The following ZBTB47 variants were observed in gnomAD, a reference collection of about 807,000 sequenced individuals.
ZBTB47 encodes the protein zinc finger and BTB domain containing 47.
In ZBTB47, 24 loss-of-function variants were observed where a neutral mutation model predicts 56.6. The observed-to-expected ratio is 0.42, with a 90% CI of 0.31 to 0.60. The LOEUF (loss-of-function observed/expected upper bound fraction) is 0.60, where lower values mean the gene tolerates loss of function less well. ZBTB47 is among the 20% of genes least tolerant of loss of function. The pLI is 0.14. For missense variants in ZBTB47, 829 were observed against 1,032.6 expected (o/e 0.80, Z 2.70); for synonymous variants, 414 against 418.9 (o/e 0.99, Z 0.14).
chr3:42,661,113 C>A (rs1335364077), intron 2 of ZBTB47, among the ~76,000 whole-genome samples: 1 of 152,218 alleles, frequency 6.6e-6, no homozygotes, highest in African/African-American at 2.4e-5. Flanking sequence ...GACCTGTTAT[C>A]TCTGCGTGTA....
chr3:42,665,645 G>A lies in ZBTB47; in HGVS notation c.*1047G>A, dbSNP rs1027351510. The stretch of plus-strand genomic sequence containing the variant: ...GCTCTAGGCCTTATCCTCCCTCTAG[G>A]TCCTGCCACAACCTGTCCCTGGCTG... On this transcript the variant is annotated 3_prime_UTR_variant, in exon 6 of 6. Transcript: ENST00000232974. 1.3e-5 allele frequency: 2 copies of A among 152,864 alleles called. No homozygotes were observed. The highest frequency in any genetic ancestry group is 4.8e-5 in the African/African-American group (2 of 41,420). The allele number at this position is 152,864 out of a possible 1,614,324, so 9.5% of individuals were successfully genotyped here. A position where few individuals can be genotyped will look rare whatever the true frequency, so the allele number is the denominator to read the frequency against.
At chr3:42,661,721 C>T in intron 3 of ZBTB47, 89 bp downstream of exon 3, 9 of 1,525,996 alleles carry the variant, frequency 5.9e-6, no homozygotes, top group South Asian at 2.5e-5. Context: ...CATCCAAGGG[C>T]AATGTGAAGG....
In ZBTB47 at chr3:42,664,487, C is replaced by A; in HGVS notation, c.2133C>A (p.Pro711=). The change falls in exon 6 of 6, where the codon CCC becomes CCA. Residue 711 remains proline, a synonymous_variant. Transcript: ENST00000232974. ...CCCAGCCCCAGGCGCACGCACTGCC[C>A]CTGCTCCCGGGGCTGCCCCAGACCC... ...PPTQPQAHAL[P]LLPGLPQTLP... 6.6e-7 allele frequency: 1 copy of A among 1,503,964 alleles called. No individual in the cohort carries two copies. The highest frequency in any genetic ancestry group is 8.8e-7 in the Non-Finnish European group (1 of 1,130,460). 93.2% of individuals were successfully genotyped at this position (1,503,964 alleles called of 1,614,324 possible).
Position 42,659,201 on chromosome 3 carries a change from CGACGAGGAGGAGGAGGAG to C in ZBTB47, c.849_866del (p.Asp283_Glu288del). 6.6e-6 allele frequency: 10 copies of C among 1,521,306 alleles called. No homozygotes were observed. The highest frequency in any genetic ancestry group is 8.8e-6 in the Non-Finnish European group (10 of 1,139,600). The allele number at this position is 1,521,306 out of a possible 1,614,324, so 94.2% of individuals were successfully genotyped here. On this transcript the variant is annotated inframe_deletion, in exon 2 of 6. Coordinates refer to ENST00000232974, the MANE Select transcript of ZBTB47 (RefSeq NM_145166.4). Reference sequence around the variant, plus strand: ...GACACTCGGACGAGGAGGAGGAGGACGACGAGGAGGAGGAGGAGGAAGAAGAGGAAGAGGAAGGTGGTG... The same window carrying C: ...GACACTCGGACGAGGAGGAGGAGGACGAAGAAGAGGAAGAGGAAGGTGGTG...
intron 2 of ZBTB47, 30 bp from the exon 3 acceptor site, chr3:42,661,455 C>T (rs764050603): frequency 1.9e-6 from 3 of 1,609,210 alleles, no homozygotes; most frequent in South Asian, 2.2e-5. Context: ...GGACTCAGGA[C>T]CCAGGGCCTC....
At position 42,665,026 on chromosome 3, in the gene ZBTB47, C is replaced by T. The variant is rs566903943; in HGVS notation, c.*428C>T. ...TGGAGCCTGGGTCAGCCTCAGCAGC[C>T]TATCCCCATGTCCTCTATGCCCCTA... On this transcript the variant is annotated 3_prime_UTR_variant, in exon 6 of 6. Coordinates refer to ENST00000232974, the MANE Select transcript of ZBTB47 (RefSeq NM_145166.4). 2.0e-4 allele frequency: 33 copies of T among 161,314 alleles called. No homozygotes were observed. Among genetic ancestry groups the T allele is most frequent in the Admixed American group, 1.7e-3 (27 of 15,522 alleles). The allele number at this position is 161,314 out of a possible 1,614,324, so 10.0% of individuals were successfully genotyped here.
chr3:42,663,224 G>A lies in ZBTB47; in HGVS notation c.1737+97G>A, dbSNP rs1223559044. ...GCTGAAAAACAAAGGGCTAGGGGGT[G>A]GAATGTAGTGTCCAGAAAGAGAGAG... On this transcript the variant is annotated intron_variant, in intron 4 of 5. Coordinates refer to ENST00000232974, the MANE Select transcript of ZBTB47 (RefSeq NM_145166.4). This position sits in a 1 kb window ranked among gnomAD's most constrained non-coding sequence, Gnocchi z 5.1. 1 of 889,622 alleles carries A rather than the reference G, an allele frequency of 1.1e-6. No homozygotes were observed. The highest frequency in any genetic ancestry group is 1.8e-6 in the Non-Finnish European group (1 of 543,272). The allele number at this position is 889,622 out of a possible 1,614,324, so 55.1% of individuals were successfully genotyped here.
Position 42,667,111 on chromosome 3 carries a change from C to T in ZBTB47, c.*2513C>T, listed in dbSNP as rs1015340015. Among the ~76,000 whole-genome samples the T allele has an allele frequency of 2.0e-5, 3 of 152,230 alleles. No individual in the cohort carries two copies. In the South Asian group the frequency reaches 6.2e-4, roughly 31 times the overall value. ...TTTAAAACAAAACAACACAAAAAAACAATGTGCCCCCAGATGTCAGAATGA... is the reference window on the plus strand; with the variant it reads ...TTTAAAACAAAACAACACAAAAAAATAATGTGCCCCCAGATGTCAGAATGA... On this transcript the variant is annotated 3_prime_UTR_variant, in exon 6 of 6. Coordinates refer to ENST00000232974, the MANE Select transcript of ZBTB47 (RefSeq NM_145166.4).
At chr3:42,655,324 G>C (rs990890200) in intron 1 of ZBTB47, among the ~76,000 whole-genome samples, 1 of 152,178 alleles carries the variant, frequency 6.6e-6, no homozygotes, top group Non-Finnish European at 1.5e-5. Flanking sequence ...GACATGGGAG[G>C]GGGGCGCAGA....
chr3:42,659,664 C>T lies in ZBTB47; in HGVS notation c.1309C>T (p.Pro437Ser), dbSNP rs1710689557. The T allele has an allele frequency of 1.2e-6, 2 of 1,612,514 alleles. No homozygotes were observed. The highest frequency in any genetic ancestry group is 1.3e-5 in the African/African-American group (1 of 74,918). ...GAAGCTGGAGGAGAAGCAGCACCAT[C>T]CATGCCAGAAGTGCCCACGAGTTTT... ...KVKLEEKQHH[P>S]CQKCPRVFNN... The change falls in exon 2 of 6, where the codon CCA becomes TCA. Residue 437 changes from proline to serine, a missense_variant. This residue lies in a region of ZBTB47 where 187 missense variants were observed against 253.1 expected (regional missense o/e 0.74). Transcript: ENST00000232974.
At position 42,658,932 on chromosome 3, in the gene ZBTB47, A is replaced by G; in HGVS notation, c.577A>G (p.Lys193Glu). 2 of 1,498,916 alleles carry G rather than the reference A, an allele frequency of 1.3e-6. No homozygotes were observed. The highest frequency in any genetic ancestry group is 2.5e-5 in the East Asian group (1 of 40,538). The allele number at this position is 1,498,916 out of a possible 1,614,324, so 92.9% of individuals were successfully genotyped here. Residue 193 changes from lysine to glutamate, a missense_variant, in exon 2 of 6, where the codon AAG (lysine) becomes GAG (glutamate). Coordinates refer to ENST00000232974, the MANE Select transcript of ZBTB47 (RefSeq NM_145166.4). Reference sequence around the variant, plus strand: ...AGCCCAGCCCTTCTTTAAGGAGGAGAAGGAGGGTGGTGTCGAGGAGGCCGG... The same window carrying G: ...AGCCCAGCCCTTCTTTAAGGAGGAGGAGGAGGGTGGTGTCGAGGAGGCCGG... Reference protein sequence around the residue: ...GPAQPFFKEEKEGGVEEAGGP... With the variant: ...GPAQPFFKEEEEGGVEEAGGP...
In ZBTB47 at chr3:42,654,245, G is replaced by A. The variant is rs563293226; in HGVS notation, c.-82+362G>A. ...TCCCGGCAGAAAGGAGGCTCAGCAC[G>A]GGAGGGTGGGGCCGGGGTCTATCTG... is the stretch of plus-strand genomic sequence containing the variant. On this transcript the variant is annotated intron_variant, in intron 1 of 5. Coordinates refer to ENST00000232974, the MANE Select transcript of ZBTB47 (RefSeq NM_145166.4). This position sits in a 1 kb window ranked among gnomAD's most constrained non-coding sequence, Gnocchi z 5.0. The A allele has an allele frequency of 6.6e-6, 1 of 152,008 alleles. No individual in the cohort carries two copies. The highest frequency in any genetic ancestry group is 2.4e-5 in the African/African-American group (1 of 41,392). 9.4% of individuals were successfully genotyped at this position (152,008 alleles called of 1,614,324 possible).
At position 42,659,518 on chromosome 3, in the gene ZBTB47, G is replaced by A. The variant is rs370345881; in HGVS notation, c.1163G>A (p.Arg388Gln). ...ATRSRENARR[R>Q]GTPEPEEAGR... ...CGGTCCCGGGAGAACGCCCGGCGCC[G>A]GGGTACCCCTGAACCTGAAGAAGCT... Residue 388 changes from arginine to glutamine, a missense_variant, in exon 2 of 6, where the codon CGG becomes CAG. By Grantham distance (43) the Arg-to-Gln change is conservative. Coordinates refer to ENST00000232974, the MANE Select transcript of ZBTB47 (RefSeq NM_145166.4). The A allele has an allele frequency of 2.4e-5, 37 of 1,545,932 alleles. No individual in the cohort carries two copies. Among genetic ancestry groups the A allele is most frequent in the African/African-American group, 1.2e-4 (9 of 72,604 alleles).
chr3:42,659,441 G>A lies in ZBTB47; in HGVS notation c.1086G>A (p.Arg362=), dbSNP rs989633929. 14 of 1,481,974 alleles carry A rather than the reference G, an allele frequency of 9.4e-6. No individual in the cohort carries two copies. Among genetic ancestry groups the A allele is most frequent in the Non-Finnish European group, 1.2e-5 (14 of 1,123,288 alleles). 91.8% of individuals were successfully genotyped at this position (1,481,974 alleles called of 1,614,324 possible). A position where few individuals can be genotyped will look rare whatever the true frequency, so the allele number is the denominator to read the frequency against. ...AGGCTGGGGGCAAGCAGGGGCCACG[G>A]GGAAGCCGAAGCAGCCGGGCAGACC... ...EGEAGGKQGP[R]GSRSSRADPP... is the part of the protein sequence containing the mutation. Residue 362 remains arginine (R), a synonymous_variant, in exon 2 of 6, where the codon CGG becomes CGA. Transcript: ENST00000232974.
At chr3:42,662,913 T>G in intron 3 of ZBTB47, 99 bp from the exon 4 acceptor site, 1 of 786,600 alleles carries the variant, frequency 1.3e-6, no homozygotes, top group Non-Finnish European at 2.2e-6. Context: ...CAGAGAAGGG[T>G]GGTGGCACAG....
Position 42,663,157 on chromosome 3 carries a change from C to T in ZBTB47, c.1737+30C>T, listed in dbSNP as rs368192123. 146 of 1,542,638 alleles carry T rather than the reference C, an allele frequency of 9.5e-5. No individual in the cohort carries two copies. The highest frequency in any genetic ancestry group is 1.8e-4 in the Admixed American group (11 of 59,808). On this transcript the variant is annotated intron_variant, in intron 4 of 5. Transcript: ENST00000232974. This position sits in a 1 kb window ranked among gnomAD's most constrained non-coding sequence, Gnocchi z 5.1. ...GCTTCCATCTCCTGCCTGGCCTGCC[C>T]GAGGGGTCACCTGGGAGGGGCAGGA...
intron 1 of ZBTB47, 24 bp from the exon 2 acceptor site, chr3:42,658,251 C>A: frequency 6.9e-7 from 1 of 1,456,294 alleles, no homozygotes; most frequent in East Asian, 2.5e-5. Context: ...CCTTGACCCA[C>A]TCCTGTGCCC....
Position 42,659,616 on chromosome 3 carries a change from A to G in ZBTB47, c.1261A>G (p.Thr421Ala), listed in dbSNP as rs762737712. ...ASASARGPPA[T>A]DGLGAKVKLE... The stretch of plus-strand genomic sequence containing the variant: ...TGCATCGGCCCGAGGGCCGCCAGCC[A>G]CTGATGGGCTGGGGGCCAAGGTGAA... Residue 421 changes from threonine to alanine, a missense_variant, in exon 2 of 6, where the codon ACT (threonine) becomes GCT (alanine). By Grantham distance (58) the Thr-to-Ala change is moderately conservative. This residue lies in a region of ZBTB47 where 187 missense variants were observed against 253.1 expected (regional missense o/e 0.74). Transcript: ENST00000232974. 1 of 1,609,908 alleles carries G rather than the reference A, an allele frequency of 6.2e-7. No homozygotes were observed. Among genetic ancestry groups the G allele is most frequent in the Admixed American group, 1.7e-5 (1 of 59,440 alleles).
chr3:42,655,167 C>T (rs1241321655), intron 1 of ZBTB47, among the ~76,000 whole-genome samples: 3 of 152,196 alleles, frequency 2.0e-5, no homozygotes, highest in Admixed American at 2.0e-4. Flanking sequence ...CTCTCTGGGT[C>T]TATTTCCAAG....
Sources: allele counts gnomAD v4.1 joint callset (sites outside exome capture counted in the v4.1 genomes callset), GRCh38; gene constraint gnomAD v4.1.1; regional missense constraint gnomAD v4.1.1; non-coding constraint Gnocchi (gnomAD v3.1); transcripts MANE v1.5; gene names NCBI Gene and HGNC (gene_info 2026-07-23, HGNC 2026-07-21).